The following JAK1 variants were observed in gnomAD, a reference collection of about 807,000 sequenced individuals.
The protein encoded by JAK1 is Janus kinase 1, also known as tyrosine-protein kinase JAK1.
In JAK1, 16 loss-of-function variants were observed where a neutral mutation model predicts 136.6. The ratio of observed to expected loss-of-function variants is 0.12; its 90% confidence interval spans 0.08 to 0.18. The LOEUF is 0.18. Ranked by LOEUF, JAK1 falls within the 10% of genes least tolerant of loss-of-function variation. JAK1 has a pLI of 1.00. For synonymous variants in JAK1, 492 were observed against 519.5 expected, an observed-to-expected ratio of 0.95 and a Z score of 0.72; for missense variants, 859 against 1,450.1, an observed-to-expected ratio of 0.59 and a Z score of 6.62.
chr1:64,935,576 C>T (rs1014722944), intron 1 of JAK1, among the ~76,000 whole-genome samples: 1 of 152,226 alleles, frequency 6.6e-6, no homozygotes, highest in Non-Finnish European at 1.5e-5. Flanking sequence ...GCTGAGATTA[C>T]AGGCGTGAGC....
At chr1:64,910,459 G>T (rs577085085) in intron 1 of JAK1, among the ~76,000 whole-genome samples, 1 of 152,298 alleles carries the variant, frequency 6.6e-6, no homozygotes, top group South Asian at 2.1e-4. Context: ...ATTTCTCCGG[G>T]GGAAGAGGGA....
chr1:65,047,030 GA>G (rs1033550922), intron 1 of JAK1, among the ~76,000 whole-genome samples: 13 of 147,340 alleles, frequency 8.8e-5, no homozygotes, highest in African/African-American at 1.7e-4. Context: ...ATCGCTATAG[GA>G]AAAAAAAAAT....
intron 1 of JAK1, among the ~76,000 whole-genome samples, chr1:65,064,801 CTCTA>C (rs1647968913): frequency 1.3e-5 from 2 of 152,206 alleles, no homozygotes. Context: ...AAACAACCTT[CTCTA>C]TCTAGAGCAG....
intron 2 of JAK1, among the ~76,000 whole-genome samples, chr1:65,008,291 C>T (rs879816923): frequency 6.6e-6 from 1 of 152,074 alleles, no homozygotes; most frequent in African/African-American, 2.4e-5. Context: ...TATGGTGTGT[C>T]CTAGTAACAT....
intron 1 of JAK1, among the ~76,000 whole-genome samples, chr1:64,936,720 C>T (rs1025521378): frequency 2.0e-5 from 3 of 152,132 alleles, no homozygotes; most frequent in Non-Finnish European, 2.9e-5. Context: ...ACCTCATTTG[C>T]TTGTAAAAAG....
intron 1 of JAK1, among the ~76,000 whole-genome samples, chr1:64,908,419 T>C (rs1203174213): frequency 6.6e-6 from 1 of 152,190 alleles, no homozygotes; most frequent in Admixed American, 6.5e-5. Flanking sequence ...ACTGTGCAGC[T>C]TTCAATATGT....
intron 11 of JAK1, among the ~76,000 whole-genome samples, chr1:64,851,466 G>A (rs1655588223): frequency 1.3e-5 from 2 of 152,190 alleles, no homozygotes; most frequent in Admixed American, 6.5e-5. Flanking sequence ...CGCTGGTTTT[G>A]AGCCAGAAGA....
At chr1:64,922,623 G>A (rs1645514498) in intron 1 of JAK1, among the ~76,000 whole-genome samples, 1 of 152,062 alleles carries the variant, frequency 6.6e-6, no homozygotes, top group Non-Finnish European at 1.5e-5. Flanking sequence ...TACTAACTGG[G>A]CTGGAACTTT....
At chr1:65,042,399 TCTTA>T (rs965855676) in intron 2 of JAK1, among the ~76,000 whole-genome samples, 14 of 144,056 alleles carry the variant, frequency 9.7e-5, no homozygotes, top group African/African-American at 3.8e-4. Flanking sequence ...AACCAGGCAC[TCTTA>T]TTTAACACAC....
At position 65,016,559 on chromosome 1, in the gene JAK1, G is replaced by C. The variant is rs184851955; in HGVS notation, c.-78+27921C>G. Among the ~76,000 whole-genome samples, 439 of 152,244 alleles carry C rather than the reference G, an allele frequency of 2.9e-3. 3 individuals carry two copies. The highest frequency in any genetic ancestry group is 0.01 in the African/African-American group (422 of 41,536). On this transcript the variant is annotated intron_variant, in intron 2 of 25. Coordinates refer to the JAK1 transcript ENST00000671954. ...ATCACTTCAACCTAGGAGGTTGACTGCACCACTGCACTCCAGCCTGGCAAC... is the reference window on the plus strand; with the variant it reads ...ATCACTTCAACCTAGGAGGTTGACTCCACCACTGCACTCCAGCCTGGCAAC...
At chr1:65,049,298 T>G (rs1344376178) in intron 1 of JAK1, among the ~76,000 whole-genome samples, 20 of 152,150 alleles carry the variant, frequency 1.3e-4, no homozygotes. Flanking sequence ...AGTGCACACC[T>G]GTAGTCCCAG....
chr1:64,848,323 A>C (rs978351392), intron 12 of JAK1, among the ~76,000 whole-genome samples: 8 of 152,206 alleles, frequency 5.3e-5, no homozygotes, highest in African/African-American at 1.9e-4. Flanking sequence ...ACAGGTAGGC[A>C]CAGTTTCTCA....
At chr1:64,915,249 TTC>T (rs1645374146) in intron 1 of JAK1, among the ~76,000 whole-genome samples, 2 of 152,180 alleles carry the variant, frequency 1.3e-5, no homozygotes, top group East Asian at 3.8e-4. Context: ...AGCATGGCTT[TTC>T]TGTTTAAGAC....
In JAK1 at chr1:64,844,204, G is replaced by A. The variant is rs1304838920; in HGVS notation, c.2263C>T (p.Arg755Ter). The A allele has an allele frequency of 6.2e-7, 1 of 1,614,218 alleles. No individual in the cohort carries two copies. Among genetic ancestry groups the A allele is most frequent in the Non-Finnish European group, 8.5e-7 (1 of 1,180,030 alleles). ...TVLSRQECIE[R>*]IPWIAPECVE... ...CACTCAGGAGCAATCCATGGGATTC[G>A]TTCAATGCATTCTGGAAGACAACAG... The change falls in exon 17 of 25, where the codon CGA becomes TGA. Residue 755 changes from arginine (R) to a stop codon, truncating the protein, a stop_gained. Coordinates refer to ENST00000342505, the MANE Select transcript of JAK1 (RefSeq NM_002227.4). LOFTEE classifies it high-confidence loss of function. This position sits in a 1 kb window ranked among gnomAD's most constrained non-coding sequence, Gnocchi z 5.7.
In JAK1 at chr1:64,834,590, A is replaced by G. The variant is rs562521950; in HGVS notation, c.3437T>C (p.Ile1146Thr). The change falls in exon 25 of 25, where the codon ATT becomes ACT. Residue 1146 changes from isoleucine (I) to threonine (T), a missense_variant. Ile to Thr is a moderately conservative substitution (Grantham distance 89). Coordinates refer to ENST00000342505, the MANE Select transcript of JAK1 (RefSeq NM_002227.4). ...TTTTAAAAGTGCTTCAAATCCTTCA[A>G]TAAGGTTCTGAAAGCTTGTCCGATT... Reference protein sequence around the residue: ...PSNRTSFQNLIEGFEALLK With the variant: ...PSNRTSFQNLTEGFEALLK 8 of 1,610,654 alleles carry G rather than the reference A, an allele frequency of 5.0e-6. No homozygotes were observed. Among genetic ancestry groups the G allele is most frequent in the African/African-American group, 2.7e-5 (2 of 74,986 alleles).
chr1:65,037,810 G>C (rs905517560), intron 2 of JAK1, among the ~76,000 whole-genome samples: 1 of 152,168 alleles, frequency 6.6e-6, no homozygotes, highest in Non-Finnish European at 1.5e-5. Context: ...AGGCTGCAGT[G>C]AGCTGTGATG....
intron 3 of JAK1, among the ~76,000 whole-genome samples, chr1:64,881,991 T>C (rs310206): frequency 0.011 from 1,635 of 152,352 alleles, 32 homozygotes; most frequent in African/African-American, 0.037. Context: ...CTAGGTGTTC[T>C]GATAATTACA....
chr1:65,033,060 CCTT>C lies in JAK1; in HGVS notation c.-78+11417_-78+11419del, dbSNP rs1298302231. ...TACCCTTTACCCTTAATCCTTTCCTCCTTCTTGCCTGGAACAGAAATATGAAGG... is the reference window on the plus strand; with the variant it reads ...TACCCTTTACCCTTAATCCTTTCCTCCTTGCCTGGAACAGAAATATGAAGG... On this transcript the variant is annotated intron_variant, in intron 2 of 25. Coordinates refer to the JAK1 transcript ENST00000671954. Among the ~76,000 whole-genome samples the C allele has an allele frequency of 2.6e-5, 4 of 152,202 alleles. No individual in the cohort carries two copies. The East Asian group carries it at 7.7e-4, about 29-fold the overall frequency.
intron 1 of JAK1, among the ~76,000 whole-genome samples, chr1:64,925,349 T>C (rs1022928273): frequency 6.6e-5 from 10 of 151,942 alleles, no homozygotes; most frequent in Non-Finnish European, 1.0e-4. Flanking sequence ...TGAGCCAAGA[T>C]TGCACCATTG....
Sources: allele counts gnomAD v4.1 joint callset (sites outside exome capture counted in the v4.1 genomes callset), GRCh38; gene constraint gnomAD v4.1.1; non-coding constraint Gnocchi (gnomAD v3.1); transcripts MANE v1.5; gene names NCBI Gene and HGNC (gene_info 2026-07-23, HGNC 2026-07-21).